Variants in DCAF17 observed in about 807,000 individuals in gnomAD.
The protein encoded by DCAF17 is DDB1- and CUL4-associated factor 17.
DCAF17 carries 48 observed loss-of-function variants against 66.0 expected under a neutral mutation model. The ratio of observed to expected loss-of-function variants is 0.73; its 90% CI spans 0.58 to 0.92. DCAF17 has a LOEUF of 0.92. DCAF17 is among the 40% of genes least tolerant of loss of function. The pLI is 0.00. For missense variants in DCAF17, 562 were observed against 622.8 expected, an observed-to-expected ratio of 0.90 and a Z score of 1.04; for synonymous variants, 206 against 214.6, an observed-to-expected ratio of 0.96 and a Z score of 0.35.
At chr2:171,479,882 A>T in intron 12 of DCAF17, 156 bp from the exon 13 acceptor site, 1 of 804,420 alleles carries the variant, frequency 1.2e-6, no homozygotes, top group Non-Finnish European at 1.9e-6. Context: ...TAGGCATATA[A>T]ACAGATACAT....
chr2:171,481,161 C>T lies in DCAF17; in HGVS notation c.*47C>T, dbSNP rs1263602568. 1.9e-6 allele frequency: 3 copies of T among 1,610,832 alleles called. No homozygotes were observed. The highest frequency in any genetic ancestry group is 1.3e-5 in the African/African-American group (1 of 74,848). ...CTAAGAGACTTTTAGCCAAACACCC[C>T]AGCAGCTGCGTCCAATCCATTTTAT... On this transcript the variant is annotated 3_prime_UTR_variant, in exon 14 of 14. Coordinates refer to ENST00000375255, the MANE Select transcript of DCAF17 (RefSeq NM_025000.4).
Position 171,434,650 on chromosome 2 carries a change from G to C in DCAF17, c.73G>C (p.Ala25Pro), listed in dbSNP as rs1214509344. The C allele has an allele frequency of 3.9e-6, 6 of 1,535,478 alleles. No homozygotes were observed. The highest frequency in any genetic ancestry group is 1.9e-5 in the Admixed American group (1 of 51,846). The change falls in exon 1 of 14, where the codon GCA becomes CCA. Residue 25 changes from alanine (A) to proline (P), a missense_variant. This residue lies in a region of DCAF17 where 348 missense variants were observed against 355.9 expected (regional missense o/e 0.98). Transcript: ENST00000375255. ...GGCGCTGGGCTGCTTCTCGCGCGAC[G>C]CAGGCGTGGTGCAGAGGACCAACCT... ...RRALGCFSRD[A>P]GVVQRTNLGI...
intron 2 of DCAF17, among the ~76,000 whole-genome samples, chr2:171,442,551 G>A: frequency 8.1e-6 from 1 of 122,808 alleles, no homozygotes; most frequent in Admixed American, 9.5e-5. Flanking sequence ...GAGACAGAGT[G>A]AGACTCCATC....
chr2:171,435,267 A>G (rs1693796407), intron 2 of DCAF17, 81 bp downstream of exon 2: 3 of 1,035,720 alleles, frequency 2.9e-6, no homozygotes, highest in South Asian at 1.3e-5. Context: ...ACATGCCTAC[A>G]TTAGTGCCTA....
At chr2:171,460,010 T>G (rs1695481951) in intron 8 of DCAF17, among the ~76,000 whole-genome samples, 1 of 152,124 alleles carries the variant, frequency 6.6e-6, no homozygotes, top group Non-Finnish European at 1.5e-5. Flanking sequence ...GGTAGCATTT[T>G]TCTTGTTGAA....
At position 171,470,281 on chromosome 2, in the gene DCAF17, CAG is replaced by C. The variant is rs561464300; in HGVS notation, c.981+1253_981+1254del. Among the ~76,000 whole-genome samples the C allele has an allele frequency of 2.8e-4, 43 of 152,248 alleles. No individual in the cohort carries two copies. In the South Asian group the frequency reaches 8.7e-3, roughly 31 times the overall value. On this transcript the variant is annotated intron_variant, in intron 9 of 13. Coordinates refer to ENST00000375255, the MANE Select transcript of DCAF17 (RefSeq NM_025000.4). ...CAAGTGATCCTCCCTCTTGATATAT[CAG>C]AAGAATTTGCTTTTTTTTTTGAGGC...
chr2:171,457,253 A>G (rs768768460), intron 6 of DCAF17, among the ~76,000 whole-genome samples: 1 of 152,212 alleles, frequency 6.6e-6, no homozygotes, highest in Non-Finnish European at 1.5e-5. Context: ...ATTACAGTCT[A>G]CAACAGAAAT....
At chr2:171,466,821 T>A (rs939005567) in intron 8 of DCAF17, among the ~76,000 whole-genome samples, 12 of 150,996 alleles carry the variant, frequency 7.9e-5, no homozygotes, top group African/African-American at 2.9e-4. Context: ...ATAACATACC[T>A]AGTTGATTTC....
chr2:171,442,821 A>G (rs1228190482), intron 2 of DCAF17, among the ~76,000 whole-genome samples: 1 of 152,058 alleles, frequency 6.6e-6, no homozygotes, highest in African/African-American at 2.4e-5. Context: ...TGGAGGTTGA[A>G]GTGAGCTAAG....
chr2:171,460,270 C>A lies in DCAF17; in HGVS notation c.838+1793C>A, dbSNP rs1047433719. Among the ~76,000 whole-genome samples the A allele has an allele frequency of 4.7e-5, 7 of 149,662 alleles. No individual in the cohort carries two copies. The East Asian group carries it at 9.8e-4, about 21-fold the overall frequency. Reference sequence around the variant, plus strand: ...CCCAGGAGATGGAGGTTGCAGTGAGCCGAGATCGTGCCACTGCACTCTAGC... The same window carrying A: ...CCCAGGAGATGGAGGTTGCAGTGAGACGAGATCGTGCCACTGCACTCTAGC... On this transcript the variant is annotated intron_variant, in intron 8 of 13. Coordinates refer to ENST00000375255, the MANE Select transcript of DCAF17 (RefSeq NM_025000.4).
At position 171,451,532 on chromosome 2, in the gene DCAF17, G is replaced by C. The variant is rs1009182235; in HGVS notation, c.537+1575G>C. The stretch of plus-strand genomic sequence containing the variant: ...AGAATTCTAAAGTGTCTTGTCTGAT[G>C]TACCTTTTTAATAATTTAAATTGCT... On this transcript the variant is annotated intron_variant, in intron 5 of 13. Coordinates refer to ENST00000375255, the MANE Select transcript of DCAF17 (RefSeq NM_025000.4). Among the ~76,000 whole-genome samples the C allele has an allele frequency of 2.0e-5, 3 of 152,274 alleles. No individual in the cohort carries two copies. In the South Asian group the frequency reaches 6.2e-4, roughly 32 times the overall value.
At chr2:171,441,119 C>A (rs1019153600) in intron 2 of DCAF17, among the ~76,000 whole-genome samples, 2 of 152,216 alleles carry the variant, frequency 1.3e-5, no homozygotes, top group Non-Finnish European at 2.9e-5. Context: ...ATTTGCCTTT[C>A]ATCACAAACT....
chr2:171,474,654 A>G (rs898525317), intron 10 of DCAF17, among the ~76,000 whole-genome samples: 4 of 152,166 alleles, frequency 2.6e-5, no homozygotes, highest in Admixed American at 1.3e-4. Context: ...TCAACCTCTC[A>G]TCTAAACTCA....
In DCAF17 at chr2:171,482,248, C is replaced by T. The variant is rs747173001; in HGVS notation, c.*1134C>T. On this transcript the variant is annotated 3_prime_UTR_variant, in exon 14 of 14. Transcript: ENST00000375255. ...TCTGCACATTTATCCGATGTAACCT[C>T]AAAAGAATAACTGGTAATAAGGGAA... The T allele has an allele frequency of 2.2e-6, 1 of 453,866 alleles. No individual in the cohort carries two copies. Among genetic ancestry groups the T allele is most frequent in the South Asian group, 1.6e-5 (1 of 64,398 alleles). The allele number at this position is 453,866 out of a possible 1,614,324, so 28.1% of individuals were successfully genotyped here.
chr2:171,453,068 A>T (rs909849698), intron 5 of DCAF17, 56 bp from the exon 6 acceptor site: 13 of 1,216,140 alleles, frequency 1.1e-5, no homozygotes, highest in African/African-American at 7.6e-5. Context: ...TAATGAAAAC[A>T]GTGTGTTTCT....
chr2:171,470,075 G>A (rs1696154174), intron 9 of DCAF17, among the ~76,000 whole-genome samples: 1 of 152,162 alleles, frequency 6.6e-6, no homozygotes, highest in Non-Finnish European at 1.5e-5. Context: ...CTAGCCTAGA[G>A]TGCAGTGGCA....
At position 171,473,953 on chromosome 2, in the gene DCAF17, C is replaced by T. The variant is rs764182538; in HGVS notation, c.1069C>T (p.His357Tyr). Residue 357 changes from histidine to tyrosine, a missense_variant, in exon 10 of 14, where the codon CAT (histidine) becomes TAT (tyrosine). His to Tyr is a moderately conservative substitution (Grantham distance 83). Transcript: ENST00000375255. ...TCCTGATGCTTCTGGTAGAATAATA[C>T]ATGTTGGTCCAAATCAAGTCAAGTG... is the stretch of plus-strand genomic sequence containing the variant. ...FHPDASGRII[H>Y]VGPNQVKVLK... The T allele has an allele frequency of 2.5e-6, 4 of 1,613,450 alleles. No individual in the cohort carries two copies. In the Admixed American group the frequency reaches 6.7e-5, roughly 27 times the overall value.
chr2:171,445,274 A>G (rs953092262), intron 3 of DCAF17, among the ~76,000 whole-genome samples: 2 of 151,930 alleles, frequency 1.3e-5, no homozygotes, highest in African/African-American at 2.4e-5. Context: ...ACAGGCACCC[A>G]GCACCATGCC....
At position 171,481,078 on chromosome 2, in the gene DCAF17, T is replaced by G; in HGVS notation, c.1527T>G (p.Thr509=). ...ATGTTTACCAGATGATATGTGACAC[T>G]GGGGAAGAAGAAGAAACCATAAACA... ...SCYVYQMICD[T]GEEEETINRS... The change falls in exon 14 of 14, where the codon ACT becomes ACG. Residue 509 remains threonine, a synonymous_variant. Coordinates refer to ENST00000375255, the MANE Select transcript of DCAF17 (RefSeq NM_025000.4). 6.2e-7 allele frequency: 1 copy of G among 1,613,772 alleles called. No homozygotes were observed. The highest frequency in any genetic ancestry group is 8.5e-7 in the Non-Finnish European group (1 of 1,179,696).
Sources: gnomAD v4.1 joint callset for allele counts (sites outside exome capture counted in the v4.1 genomes callset) on GRCh38, gnomAD v4.1.1 for gene constraint, gnomAD v4.1.1 regional missense constraint, MANE v1.5 for transcripts, NCBI Gene and HGNC (gene_info 2026-07-23, HGNC 2026-07-21) for gene names.